The following MAPK8 variants were observed in gnomAD, a reference collection of about 807,000 sequenced individuals.
MAPK8 encodes the protein JUN N-terminal kinase.
Under a neutral mutation model 52.9 loss-of-function variants are expected in MAPK8, and 13 were observed. The observed-to-expected ratio is 0.25, with a 90% CI of 0.16 to 0.39. The LOEUF is 0.39. Among genes scored for constraint, MAPK8 ranks in the 10% least tolerant of loss-of-function variants. The pLI, the probability that MAPK8 is intolerant of heterozygous loss-of-function variation, is 1.00. For synonymous variants in MAPK8, 191 were observed against 169.8 expected, an observed-to-expected ratio of 1.12 and a Z score of -0.97; for missense variants, 300 against 519.2, an observed-to-expected ratio of 0.58 and a Z score of 4.10.
At chr10:48,404,300 G>A (rs924983837) in intron 2 of MAPK8, among the ~76,000 whole-genome samples, 1 of 151,796 alleles carries the variant, frequency 6.6e-6, no homozygotes, top group Non-Finnish European at 1.5e-5. Context: ...GGGACTACAG[G>A]TGTGCACCAT....
chr10:48,414,045 C>A (rs763847710), intron 5 of MAPK8, among the ~76,000 whole-genome samples: 11 of 151,522 alleles, frequency 7.3e-5, no homozygotes, highest in Non-Finnish European at 1.6e-4. Flanking sequence ...AACTCCACAT[C>A]CACTCATCTT....
intron 5 of MAPK8, among the ~76,000 whole-genome samples, chr10:48,411,032 A>G (rs1257025415): frequency 6.6e-6 from 1 of 152,164 alleles, no homozygotes; most frequent in African/African-American, 2.4e-5. Flanking sequence ...TGAAACCTTT[A>G]TCAGGTATAT....
chr10:48,309,259 G>A (rs1488186015), intron 1 of MAPK8, among the ~76,000 whole-genome samples: 1 of 152,156 alleles, frequency 6.6e-6, no homozygotes, highest in Non-Finnish European at 1.5e-5. Context: ...TCACAGTGTT[G>A]TGCCTTGATC....
chr10:48,426,185 C>A, intron 8 of MAPK8, 115 bp downstream of exon 8: 1 of 1,061,574 alleles, frequency 9.4e-7, no homozygotes, highest in Non-Finnish European at 1.3e-6. Flanking sequence ...AAGGTTTTCT[C>A]TGGATGGTGG....
chr10:48,311,851 A>G (rs1564464393), intron 1 of MAPK8, among the ~76,000 whole-genome samples: 1 of 152,234 alleles, frequency 6.6e-6, no homozygotes, highest in African/African-American at 2.4e-5. Context: ...AAGAGCATCT[A>G]CTATGAGATG....
At chr10:48,334,969 G>A (rs1844545306) in intron 1 of MAPK8, among the ~76,000 whole-genome samples, 1 of 152,074 alleles carries the variant, frequency 6.6e-6, no homozygotes, top group African/African-American at 2.4e-5. Context: ...CCCCTTATAA[G>A]GTTATACCCC....
At chr10:48,316,263 T>C (rs776275454) in intron 1 of MAPK8, among the ~76,000 whole-genome samples, 6 of 152,198 alleles carry the variant, frequency 3.9e-5, no homozygotes, top group Non-Finnish European at 8.8e-5. Context: ...ATACTTCCCA[T>C]TGTGTTACAG....
At chr10:48,412,635 A>G (rs2042820248) in intron 5 of MAPK8, among the ~76,000 whole-genome samples, 1 of 152,226 alleles carries the variant, frequency 6.6e-6, no homozygotes. Flanking sequence ...CATGTTTTCA[A>G]GGAATGCCTC....
chr10:48,332,482 C>G (rs909795672), intron 1 of MAPK8, among the ~76,000 whole-genome samples: 3 of 152,188 alleles, frequency 2.0e-5, no homozygotes, highest in Non-Finnish European at 4.4e-5. Context: ...TATTTTTCTT[C>G]CATCGGGAAG....
chr10:48,384,573 C>T (rs954020033), intron 1 of MAPK8, among the ~76,000 whole-genome samples: 9 of 152,174 alleles, frequency 5.9e-5, no homozygotes, highest in African/African-American at 2.2e-4. Context: ...TGTGTGGACT[C>T]AGCATGGATA....
At chr10:48,349,447 G>A (rs1208874202) in intron 1 of MAPK8, among the ~76,000 whole-genome samples, 2 of 152,114 alleles carry the variant, frequency 1.3e-5, no homozygotes, top group East Asian at 3.8e-4. Flanking sequence ...AAACAAATTA[G>A]AACTCAGGAT....
rs1464049386 is a variant in MAPK8 at position 48,405,795 on chromosome 10, A to G, written c.252+814A>G. On this transcript the variant is annotated intron_variant, in intron 3 of 11. Coordinates refer to ENST00000374189, the MANE Select transcript of MAPK8 (RefSeq NM_001323329.2). ...AGAGTTTATATAATATAATGAGCAC[A>G]GTACCTTCTGACTACAGATAATACA... is the stretch of plus-strand genomic sequence containing the variant. Among the ~76,000 whole-genome samples, 5 of 152,240 alleles carry G rather than the reference A, an allele frequency of 3.3e-5. No homozygotes were observed. The East Asian group carries it at 9.6e-4, about 29-fold the overall frequency.
intron 1 of MAPK8, among the ~76,000 whole-genome samples, chr10:48,381,977 A>G (rs1047873362): frequency 3.3e-5 from 5 of 152,152 alleles, no homozygotes; most frequent in African/African-American, 4.8e-5. Context: ...CACACCCATA[A>G]TGGAGCCCAG....
At chr10:48,327,253 ATTC>A (rs917736776) in intron 1 of MAPK8, among the ~76,000 whole-genome samples, 6 of 152,032 alleles carry the variant, frequency 3.9e-5, no homozygotes, top group African/African-American at 1.4e-4. Context: ...AATTGAGGAA[ATTC>A]TTCTCCATTC....
Position 48,373,944 on chromosome 10 carries a change from C to T in MAPK8, c.-49-27668C>T, listed in dbSNP as rs548755148. Among the ~76,000 whole-genome samples, 11 of 152,232 alleles carry T rather than the reference C, an allele frequency of 7.2e-5. No individual in the cohort carries two copies. In the South Asian group the frequency reaches 1.0e-3, roughly 14 times the overall value. On this transcript the variant is annotated intron_variant, in intron 1 of 11. Transcript: ENST00000374189. ...CTCCACCCCAAATCAACAGAATATA[C>T]GTTCTCCTCAGCACCACATCGCACT...
At chr10:48,316,782 G>A (rs17697837) in intron 1 of MAPK8, among the ~76,000 whole-genome samples, 1 of 152,084 alleles carries the variant, frequency 6.6e-6, no homozygotes, top group East Asian at 1.9e-4. Flanking sequence ...GCTTAATGGG[G>A]ATTAAATAGT....
intron 6 of MAPK8, among the ~76,000 whole-genome samples, chr10:48,421,675 C>T (rs1035397345): frequency 1.1e-4 from 16 of 152,094 alleles, no homozygotes; most frequent in Admixed American, 1.0e-3. Context: ...TGTGGTGGTG[C>T]ACACCTGTAA....
At chr10:48,369,307 T>G (rs750567433) in intron 1 of MAPK8, among the ~76,000 whole-genome samples, 1 of 152,128 alleles carries the variant, frequency 6.6e-6, no homozygotes, top group Non-Finnish European at 1.5e-5. Flanking sequence ...TCCAGAAGTG[T>G]ATGTAGATTG....
intron 1 of MAPK8, among the ~76,000 whole-genome samples, chr10:48,342,114 CATTT>C (rs1845346978): frequency 6.6e-6 from 1 of 152,286 alleles, no homozygotes; most frequent in South Asian, 2.1e-4. Context: ...TTCATTCATT[CATTT>C]ATTTATTGAG....
Sources: allele counts gnomAD v4.1 joint callset (sites outside exome capture counted in the v4.1 genomes callset), GRCh38; gene constraint gnomAD v4.1.1; transcripts MANE v1.5; gene names NCBI Gene and HGNC (gene_info 2026-07-23, HGNC 2026-07-21).